Variants in ATF6 observed in about 807,000 individuals in gnomAD.
ATF6 encodes the protein cyclic AMP-dependent transcription factor ATF-6 alpha.
In ATF6, 53 loss-of-function variants were observed where a neutral mutation model predicts 83.6. That is an observed-to-expected ratio of 0.63 (90% CI 0.51 to 0.80). The LOEUF is 0.80. ATF6 is among the 30% of genes least tolerant of loss of function. The pLI, the probability that ATF6 is intolerant of heterozygous loss-of-function variation, is 0.00. For missense variants in ATF6, 744 were observed against 797.9 expected (o/e 0.93, Z 0.81); for synonymous variants, 288 against 285.8 (o/e 1.01, Z -0.08).
intron 9 of ATF6, among the ~76,000 whole-genome samples, chr1:161,845,447 G>C (rs1399978438): frequency 6.6e-6 from 1 of 152,102 alleles, no homozygotes; most frequent in Admixed American, 6.6e-5. Flanking sequence ...GATGAGCCAA[G>C]TTCCTAAGCA....
In ATF6 at chr1:161,959,077, G is replaced by A. The variant is rs1689027508; in HGVS notation, c.*423G>A. 1 of 155,676 alleles carries A rather than the reference G, an allele frequency of 6.4e-6. No homozygotes were observed. Among genetic ancestry groups the A allele is most frequent in the African/African-American group, 2.4e-5 (1 of 41,528 alleles). The allele number at this position is 155,676 out of a possible 1,614,324, so 9.6% of individuals were successfully genotyped here. ...ATTTAAAGCTATGCCACACATGCATGTTCAAATGGTTTCCACTGATTCGAT... is the reference window on the plus strand; with the variant it reads ...ATTTAAAGCTATGCCACACATGCATATTCAAATGGTTTCCACTGATTCGAT... On this transcript the variant is annotated 3_prime_UTR_variant, in exon 16 of 16. Transcript: ENST00000367942.
chr1:161,906,919 G>A (rs571113569), intron 14 of ATF6, among the ~76,000 whole-genome samples: 4 of 152,210 alleles, frequency 2.6e-5, no homozygotes, highest in African/African-American at 9.6e-5. Context: ...ATGCTGAGAA[G>A]CCCTGTATCG....
At chr1:161,789,045 G>A (rs1156356113) in intron 4 of ATF6, among the ~76,000 whole-genome samples, 3 of 151,690 alleles carry the variant, frequency 2.0e-5, no homozygotes, top group South Asian at 2.1e-4. Context: ...ATATATATTT[G>A]TGGGGTACAT....
At position 161,801,359 on chromosome 1, in the gene ATF6, CTTTT is replaced by C. The variant is rs1170991022; in HGVS notation, c.689-673_689-670del. On this transcript the variant is annotated intron_variant, in intron 6 of 15. Coordinates refer to ENST00000367942, the MANE Select transcript of ATF6 (RefSeq NM_007348.4). ...TTTTAAGTTTTTTGGTATTTGTAGT[CTTTT>C]TTTTTTTTTTTTTTTTTTTGTCCTT... Among the ~76,000 whole-genome samples the C allele has an allele frequency of 1.0e-3, 95 of 95,296 alleles. 1 individual carries two copies. In the East Asian group the frequency reaches 0.013, roughly 13 times the overall value. 62.5% of individuals were successfully genotyped at this position (95,296 alleles called of 152,430 possible). A position where few individuals can be genotyped will look rare whatever the true frequency, so the allele number is the denominator to read the frequency against.
intron 8 of ATF6, among the ~76,000 whole-genome samples, chr1:161,820,778 T>C (rs926434550): frequency 6.6e-6 from 1 of 152,034 alleles, no homozygotes; most frequent in South Asian, 2.1e-4. Flanking sequence ...TATATTGAAT[T>C]CTTTCCTCTT....
At chr1:161,935,219 C>A (rs1488978871) in intron 15 of ATF6, among the ~76,000 whole-genome samples, 1 of 152,118 alleles carries the variant, frequency 6.6e-6, no homozygotes, top group African/African-American at 2.4e-5. Context: ...TAATCATGGA[C>A]TTTTGAGATA....
chr1:161,780,672 C>T (rs771361347), intron 2 of ATF6, among the ~76,000 whole-genome samples: 6 of 151,782 alleles, frequency 4.0e-5, no homozygotes, highest in Admixed American at 6.6e-5. Flanking sequence ...TGCACCCGGC[C>T]GAGGTGTATT....
At chr1:161,896,564 G>C (rs1318602155) in intron 14 of ATF6, among the ~76,000 whole-genome samples, 5 of 152,198 alleles carry the variant, frequency 3.3e-5, no homozygotes, top group Non-Finnish European at 5.9e-5. Flanking sequence ...CTTTCATAGA[G>C]AATGTTGTGT....
chr1:161,954,865 TTACTC>T (rs1340150348), intron 15 of ATF6, among the ~76,000 whole-genome samples: 16 of 152,212 alleles, frequency 1.1e-4, no homozygotes, highest in African/African-American at 3.4e-4. Flanking sequence ...CTCATTCTGT[TTACTC>T]AGAAAGCCCA....
chr1:161,888,140 C>T (rs960488623), intron 14 of ATF6, among the ~76,000 whole-genome samples: 3 of 152,262 alleles, frequency 2.0e-5, no homozygotes, highest in Admixed American at 2.0e-4. Context: ...GCTGAATCCC[C>T]TAAAGGATTT....
intron 14 of ATF6, among the ~76,000 whole-genome samples, chr1:161,873,523 T>C (rs1407727027): frequency 1.3e-5 from 2 of 151,638 alleles, no homozygotes; most frequent in African/African-American, 4.8e-5. Context: ...CATTTTGGAC[T>C]CTTAATATTT....
chr1:161,958,593 C>A lies in ATF6; in HGVS notation c.1952C>A (p.Ser651Tyr). ...AATCAAACCAACACCTTCTTTGGCTCCCCTCCCGCAGCCACAGAGGCAACC... is the reference window on the plus strand; with the variant it reads ...AATCAAACCAACACCTTCTTTGGCTACCCTCCCGCAGCCACAGAGGCAACC... ...QRNQTNTFFG[S>Y]PPAATEATHV... The change falls in exon 16 of 16, where the codon TCC (serine) becomes TAC (tyrosine). Residue 651 changes from serine to tyrosine, a missense_variant. Ser to Tyr is a moderately radical substitution (Grantham distance 144). Coordinates refer to ENST00000367942, the MANE Select transcript of ATF6 (RefSeq NM_007348.4). 6.2e-7 allele frequency: 1 copy of A among 1,613,992 alleles called. No individual in the cohort carries two copies.
In ATF6 at chr1:161,961,089, C is replaced by T. The variant is rs1032228815; in HGVS notation, c.*2435C>T. 6.6e-6 allele frequency: 1 copy of T among 152,224 alleles called. No homozygotes were observed. 9.4% of individuals were successfully genotyped at this position (152,224 alleles called of 1,614,324 possible). A position where few individuals can be genotyped will look rare whatever the true frequency, so the allele number is the denominator to read the frequency against. On this transcript the variant is annotated 3_prime_UTR_variant, in exon 16 of 16. Transcript: ENST00000367942. ...AGCGCTTCACTTTTACTTCATCCCT[C>T]GATTCCCAGCTTTTTCTATCATCAT...
Position 161,782,060 on chromosome 1 carries a change from C to A in ATF6, c.247+61C>A. The A allele has an allele frequency of 4.0e-6, 5 of 1,243,424 alleles. No homozygotes were observed. The South Asian group carries it at 5.3e-5, about 13-fold the overall frequency. 77.0% of individuals were successfully genotyped at this position (1,243,424 alleles called of 1,614,324 possible). On this transcript the variant is annotated intron_variant, in intron 3 of 15. Coordinates refer to ENST00000367942, the MANE Select transcript of ATF6 (RefSeq NM_007348.4). Reference sequence around the variant, plus strand: ...GATCAATTTTATTTTGTAGTTTGGTCATACTCAAAATTAGGTGGGGTTATT... The same window carrying A: ...GATCAATTTTATTTTGTAGTTTGGTAATACTCAAAATTAGGTGGGGTTATT...
Position 161,792,342 on chromosome 1 carries a change from T to A in ATF6, c.688+15T>A. On this transcript the variant is annotated intron_variant, in intron 6 of 15. Coordinates refer to ENST00000367942, the MANE Select transcript of ATF6 (RefSeq NM_007348.4). ...ACCCACTAAAGGTACCTGAGCAGAA[T>A]TTAAGGCTGTGTAAATTTATTTGGA... 1 of 1,607,382 alleles carries A rather than the reference T, an allele frequency of 6.2e-7. No homozygotes were observed. Among genetic ancestry groups the A allele is most frequent in the Non-Finnish European group, 8.5e-7 (1 of 1,175,988 alleles).
chr1:161,872,269 A>G (rs937796451), intron 14 of ATF6, among the ~76,000 whole-genome samples: 1 of 151,684 alleles, frequency 6.6e-6, no homozygotes, highest in Non-Finnish European at 1.5e-5. Context: ...TAGCAGTCAG[A>G]ATTTAACCAA....
intron 15 of ATF6, among the ~76,000 whole-genome samples, chr1:161,937,347 TAAAAAAAAA>T (rs35432799): frequency 1.8e-5 from 2 of 111,032 alleles, no homozygotes; most frequent in African/African-American, 3.4e-5. Flanking sequence ...CCCTCTCAGT[TAAAAAAAAA>T]AAAAAAAAAA....
intron 8 of ATF6, among the ~76,000 whole-genome samples, chr1:161,820,048 C>A (rs1463498609): frequency 6.6e-6 from 1 of 152,144 alleles, no homozygotes; most frequent in East Asian, 1.9e-4. Context: ...CTAGGTTTCT[C>A]CTCATTCATT....
chr1:161,958,347 C>T lies in ATF6; in HGVS notation c.1805-99C>T, dbSNP rs2101924805. On this transcript the variant is annotated intron_variant, in intron 15 of 15. Coordinates refer to ENST00000367942, the MANE Select transcript of ATF6 (RefSeq NM_007348.4). ...CCCTTGAAAGTTTACTGACAGTTCA[C>T]ACCCTTAAAGCACATTTCTGTATTT... The T allele has an allele frequency of 1.9e-5, 23 of 1,230,172 alleles. No individual in the cohort carries two copies. In the South Asian group the frequency reaches 3.4e-4, roughly 18 times the overall value. The allele number at this position is 1,230,172 out of a possible 1,614,324, so 76.2% of individuals were successfully genotyped here.
Sources: gnomAD v4.1 joint callset for allele counts (sites outside exome capture counted in the v4.1 genomes callset) on GRCh38, gnomAD v4.1.1 for gene constraint, MANE v1.5 for transcripts, NCBI Gene and HGNC (gene_info 2026-07-23, HGNC 2026-07-21) for gene names.